SF3A3: variants seen among roughly 807,000 people sequenced by gnomAD.
The protein encoded by SF3A3 is SAP 61.
Under a neutral mutation model 85.8 loss-of-function variants are expected in SF3A3, and 9 were observed. The ratio of observed to expected loss-of-function variants is 0.10; its 90% confidence interval spans 0.06 to 0.18. The LOEUF (loss-of-function observed/expected upper bound fraction) is 0.18, where lower values mean the gene tolerates loss of function less well. Ranked by LOEUF, SF3A3 falls within the 10% of genes least tolerant of loss-of-function variation. The pLI, the probability that SF3A3 is intolerant of heterozygous loss-of-function variation, is 1.00. For missense variants in SF3A3, 306 were observed against 593.3 expected, an observed-to-expected ratio of 0.52 and a Z score of 5.03; for synonymous variants, 195 against 204.4, an observed-to-expected ratio of 0.95 and a Z score of 0.39.
intron 15 of SF3A3, among the ~76,000 whole-genome samples, chr1:37,961,772 AAAAAAAAAAAAG>A (rs1346848739): frequency 1.4e-3 from 200 of 145,042 alleles, no homozygotes; most frequent in African/African-American, 4.9e-3. Context: ...AAAAAAAAAA[AAAAAAAAAAAAG>A]AAAGAAAGAA....
chr1:37,974,299 T>G (rs887687303), intron 12 of SF3A3, among the ~76,000 whole-genome samples: 1 of 252 alleles, frequency 4.0e-3, no homozygotes, highest in African/African-American at 0.017. Context: ...GATGACCACT[T>G]TTTTTTTTTT....
chr1:37,961,910 AC>A (rs1292973472), intron 15 of SF3A3, among the ~76,000 whole-genome samples: 1 of 150,928 alleles, frequency 6.6e-6, no homozygotes, highest in African/African-American at 2.4e-5. Context: ...ACATGGAGAA[AC>A]CCCATCTCTA....
At chr1:37,972,003 C>T (rs1557750482) in intron 12 of SF3A3, among the ~76,000 whole-genome samples, 1 of 152,140 alleles carries the variant, frequency 6.6e-6, no homozygotes, top group Non-Finnish European at 1.5e-5. Context: ...GAAGTTCCGG[C>T]CAGGGCAATC....
chr1:37,974,333 T>C (rs1164547187), intron 12 of SF3A3, among the ~76,000 whole-genome samples: 5 of 144,710 alleles, frequency 3.5e-5, no homozygotes, highest in African/African-American at 7.8e-5. Flanking sequence ...GATGGAGTCT[T>C]GCTCTGTCGC....
In SF3A3 at chr1:37,987,485, T is replaced by C. The variant is rs986039034; in HGVS notation, c.303+88A>G. On this transcript the variant is annotated intron_variant, in intron 4 of 16. Transcript: ENST00000373019. ...GGCAAGTTCTTTCTTGAAGTGCATTTGAATAGCACATGTCCAGTTTCCTTT... is the reference window on the plus strand; with the variant it reads ...GGCAAGTTCTTTCTTGAAGTGCATTCGAATAGCACATGTCCAGTTTCCTTT... 9.6e-6 allele frequency: 9 copies of C among 940,608 alleles called. No homozygotes were observed. The African/African-American group carries it at 1.5e-4, about 16-fold the overall frequency. 58.3% of individuals were successfully genotyped at this position (940,608 alleles called of 1,614,324 possible).
intron 15 of SF3A3, among the ~76,000 whole-genome samples, chr1:37,965,583 A>T (rs1048699671): frequency 1.3e-5 from 2 of 151,814 alleles, no homozygotes; most frequent in African/African-American, 4.8e-5. Context: ...GTGACACACC[A>T]TCTTTACAAA....
At chr1:37,963,185 G>C (rs1164037229) in intron 15 of SF3A3, among the ~76,000 whole-genome samples, 2 of 152,004 alleles carry the variant, frequency 1.3e-5, no homozygotes, top group Non-Finnish European at 2.9e-5. Flanking sequence ...TCAAAAGAAT[G>C]ATCTAAACAA....
At chr1:37,981,005 A>G (rs1284225389) in intron 7 of SF3A3, among the ~76,000 whole-genome samples, 1 of 151,618 alleles carries the variant, frequency 6.6e-6, no homozygotes, top group Admixed American at 6.6e-5. Context: ...ATGCGCCACC[A>G]TGCCCGGCTA....
chr1:37,969,293 T>C, intron 14 of SF3A3, 61 bp downstream of exon 14: 1 of 1,275,792 alleles, frequency 7.8e-7, no homozygotes, highest in South Asian at 1.2e-5. Flanking sequence ...TCCTACTCTT[T>C]TCTCTAAAAG....
At chr1:37,977,015 T>A in intron 11 of SF3A3, 62 bp from the exon 12 acceptor site, 1 of 1,145,938 alleles carries the variant, frequency 8.7e-7, no homozygotes, top group Non-Finnish European at 1.3e-6. Flanking sequence ...TTGTTCCCTA[T>A]ATCTGGGAAC....
At chr1:37,978,955 A>AC in intron 10 of SF3A3, 33 bp downstream of exon 10, 1 of 1,595,962 alleles carries the variant, frequency 6.3e-7, no homozygotes, top group Non-Finnish European at 8.6e-7. Flanking sequence ...CACACAGTAA[A>AC]TCGATAGTTT....
chr1:37,969,143 G>A (rs555874679), intron 14 of SF3A3, among the ~76,000 whole-genome samples: 5 of 152,162 alleles, frequency 3.3e-5, no homozygotes, highest in Non-Finnish European at 4.4e-5. Context: ...AAAGAGTGGT[G>A]CGGTAGAATT....
At chr1:37,977,296 G>C (rs6680493) in intron 11 of SF3A3, among the ~76,000 whole-genome samples, 1 of 152,178 alleles carries the variant, frequency 6.6e-6, no homozygotes. Flanking sequence ...CTGCTACTTA[G>C]AACTATGAGA....
chr1:37,982,805 A>G (rs983081231), intron 6 of SF3A3, among the ~76,000 whole-genome samples: 4 of 152,234 alleles, frequency 2.6e-5, no homozygotes, highest in Admixed American at 6.5e-5. Flanking sequence ...AGAAGAACAC[A>G]TAAATCTGGG....
intron 4 of SF3A3, among the ~76,000 whole-genome samples, chr1:37,986,158 G>C (rs1646455319): frequency 6.6e-6 from 1 of 152,042 alleles, no homozygotes; most frequent in Non-Finnish European, 1.5e-5. Flanking sequence ...ATTTTGGCCA[G>C]GCTGGTCTCC....
At chr1:37,983,606 A>AAAAAAAAAAAAAAAAAAAAC (rs1570469291) in intron 6 of SF3A3, among the ~76,000 whole-genome samples, 1 of 145,014 alleles carries the variant, frequency 6.9e-6, no homozygotes, top group African/African-American at 2.5e-5. Flanking sequence ...AAAAAAAAAA[A>AAAAAAAAAAAAAAAAAAAAC]AAGATTTATT....
At chr1:37,989,307 GAAGA>G (rs1646477821) in intron 2 of SF3A3, among the ~76,000 whole-genome samples, 2 of 144,726 alleles carry the variant, frequency 1.4e-5, no homozygotes, top group African/African-American at 5.3e-5. Flanking sequence ...AGAAGAAGAA[GAAGA>G]AAAAAAAAAA....
chr1:37,980,844 T>A, intron 7 of SF3A3, 120 bp from the exon 8 acceptor site: 5 of 267,656 alleles, frequency 1.9e-5, no homozygotes, highest in Non-Finnish European at 2.4e-5. Flanking sequence ...TAATACTCTT[T>A]TTTTTTTTTT....
intron 12 of SF3A3, among the ~76,000 whole-genome samples, chr1:37,971,480 G>A (rs1646344191): frequency 6.6e-6 from 1 of 152,172 alleles, no homozygotes. Flanking sequence ...AATAGGAAAA[G>A]AGGGAATCCT....
Sources: allele counts gnomAD v4.1 joint callset (sites outside exome capture counted in the v4.1 genomes callset), GRCh38; gene constraint gnomAD v4.1.1; transcripts MANE v1.5; gene names NCBI Gene and HGNC (gene_info 2026-07-23, HGNC 2026-07-21).